MPHOSPH6: variants seen among roughly 807,000 people sequenced by gnomAD.
MPHOSPH6 encodes the protein M-phase phosphoprotein 6.
A neutral mutation model predicts 21.8 loss-of-function variants in MPHOSPH6; 25 were observed. The ratio of observed to expected loss-of-function variants is 1.15; its 90% CI spans 0.83 to 1.60. The LOEUF is 1.60. Ranked by LOEUF, MPHOSPH6 falls within the 40% of genes most tolerant of loss-of-function variation. MPHOSPH6 has a pLI of 0.00. For synonymous variants in MPHOSPH6, 84 were observed against 56.5 expected (o/e 1.49, Z -2.18); for missense variants, 269 against 181.8 (o/e 1.48, Z -2.76).
At chr16:82,149,086 T>G (rs935911399) in intron 4 of MPHOSPH6, among the ~76,000 whole-genome samples, 1 of 152,198 alleles carries the variant, frequency 6.6e-6, no homozygotes, top group African/African-American at 2.4e-5. Flanking sequence ...AGATGTACAT[T>G]TTAAAATACA....
At chr16:82,160,811 C>T (rs1009444229) in intron 2 of MPHOSPH6, among the ~76,000 whole-genome samples, 1 of 152,064 alleles carries the variant, frequency 6.6e-6, no homozygotes, top group African/African-American at 2.4e-5. Flanking sequence ...ACACTACTCC[C>T]AAAATATGGC....
rs1047373058 is a variant in MPHOSPH6 at position 82,148,593 on chromosome 16, A to G, written c.*138T>C. ...TCCATCACACATCTGTTTCAAAAAC[A>G]GCATGTTTCTAAAATGATAATCTCT... On this transcript the variant is annotated 3_prime_UTR_variant, in exon 5 of 5. Transcript: ENST00000258169. 5 of 1,111,138 alleles carry G rather than the reference A, an allele frequency of 4.5e-6. No homozygotes were observed. In the Admixed American group the frequency reaches 1.1e-4, roughly 24 times the overall value. The allele number at this position is 1,111,138 out of a possible 1,614,324, so 68.8% of individuals were successfully genotyped here.
chr16:82,166,376 G>A (rs1249968828), intron 1 of MPHOSPH6, among the ~76,000 whole-genome samples: 2 of 152,160 alleles, frequency 1.3e-5, no homozygotes, highest in East Asian at 1.9e-4. Flanking sequence ...GACTTAACAC[G>A]TTTCCATTTT....
intron 1 of MPHOSPH6, among the ~76,000 whole-genome samples, chr16:82,166,924 A>C (rs1906800534): frequency 6.6e-6 from 1 of 152,208 alleles, no homozygotes; most frequent in African/African-American, 2.4e-5. Flanking sequence ...ACTTAGGTAC[A>C]AGTTCGATTC....
rs1442348239 is a variant in MPHOSPH6 at position 82,164,104 on chromosome 16, A to C, written c.142T>G (p.Leu48Val). The C allele has an allele frequency of 3.1e-6, 5 of 1,612,258 alleles. No homozygotes were observed. Among genetic ancestry groups the C allele is most frequent in the Non-Finnish European group, 4.2e-6 (5 of 1,179,398 alleles). ...TACTCTTTCTCTTTAAGCTCTGGCA[A>C]ATCCAAGTACCAGTGCTCTTCACTA... ...IISEEHWYLD[L>V]PELKEKESFI... is the part of the protein sequence containing the mutation. The change falls in exon 2 of 5, where the codon TTG becomes GTG. Residue 48 changes from leucine (L) to valine (V), a missense_variant. Transcript: ENST00000258169.
chr16:82,158,518 A>G (rs1048580512), intron 2 of MPHOSPH6, among the ~76,000 whole-genome samples: 1 of 151,518 alleles, frequency 6.6e-6, no homozygotes, highest in African/African-American at 2.4e-5. Context: ...AAAAAAAAAA[A>G]AAAAAGATAC....
At chr16:82,151,398 T>A in intron 3 of MPHOSPH6, 26 bp downstream of exon 3, 1 of 1,600,178 alleles carries the variant, frequency 6.2e-7, no homozygotes, top group Non-Finnish European at 8.5e-7. Flanking sequence ...GAAAAATTTT[T>A]AATTTGAAGC....
rs1433780071 is a variant in MPHOSPH6 at position 82,170,136 on chromosome 16, G to C, written c.40C>G (p.Leu14Val). Residue 14 changes from leucine (L) to valine (V), a missense_variant, in exon 1 of 5, where the codon CTG (leucine) becomes GTG (valine). Coordinates refer to ENST00000258169, the MANE Select transcript of MPHOSPH6 (RefSeq NM_005792.2). ...CAGCGTCCCCGCACCTTCATGCGCA[G>C]TAGATTCTTGGACAACCTTGTCTTT... ...ERKTRLSKNLLRMKFMQRGLD... is the reference protein window; with the variant it reads ...ERKTRLSKNLVRMKFMQRGLD... 1 of 1,593,516 alleles carries C rather than the reference G, an allele frequency of 6.3e-7. No individual in the cohort carries two copies. Among genetic ancestry groups the C allele is most frequent in the Non-Finnish European group, 8.5e-7 (1 of 1,170,174 alleles).
At chr16:82,165,144 T>TTTTTTTTTTTTTTTTTTTTG (rs1555540871) in intron 1 of MPHOSPH6, among the ~76,000 whole-genome samples, 1 of 108,688 alleles carries the variant, frequency 9.2e-6, no homozygotes, top group Non-Finnish European at 1.9e-5. Flanking sequence ...TTTTTTTTTT[T>TTTTTTTTTTTTTTTTTTTTG]TGAGACAGAG....
chr16:82,157,456 C>G lies in MPHOSPH6; in HGVS notation c.165-5942G>C, dbSNP rs903225729. 2.6e-5 allele frequency among the ~76,000 whole-genome samples: 4 copies of G among 152,304 alleles called. No individual in the cohort carries two copies. In the South Asian group the frequency reaches 8.3e-4, roughly 32 times the overall value. On this transcript the variant is annotated intron_variant, in intron 2 of 4. Transcript: ENST00000258169. Reference sequence around the variant, plus strand: ...AAAATTAATCTACGGTTTAAGAAATCAGAACAGTGCTTGCATCAGAGCAGG... The same window carrying G: ...AAAATTAATCTACGGTTTAAGAAATGAGAACAGTGCTTGCATCAGAGCAGG...
chr16:82,168,072 T>A (rs1220466262), intron 1 of MPHOSPH6, among the ~76,000 whole-genome samples: 2 of 152,236 alleles, frequency 1.3e-5, no homozygotes, highest in Non-Finnish European at 2.9e-5. Flanking sequence ...GTGATCTTTT[T>A]CCTTCTCCTT....
Position 82,149,152 on chromosome 16 carries a change from G to A in MPHOSPH6, c.350+157C>T, listed in dbSNP as rs530397263. ...AACTGGCAGCCTGAGACAGGTCTGT[G>A]GCCCCCGTAGGCCATTAAGAGAAGG... is the stretch of plus-strand genomic sequence containing the variant. On this transcript the variant is annotated intron_variant, in intron 4 of 4. Coordinates refer to ENST00000258169, the MANE Select transcript of MPHOSPH6 (RefSeq NM_005792.2). 1.2e-4 allele frequency among the ~76,000 whole-genome samples: 18 copies of A among 152,302 alleles called. 1 individual carries two copies. Among genetic ancestry groups the A allele is most frequent in the Admixed American group, 1.1e-3 (17 of 15,302 alleles).
intron 3 of MPHOSPH6, among the ~76,000 whole-genome samples, chr16:82,150,566 G>C (rs1284305196): frequency 6.6e-6 from 1 of 152,172 alleles, no homozygotes; most frequent in Non-Finnish European, 1.5e-5. Flanking sequence ...TCTTAACTGG[G>C]GATGATTTTC....
chr16:82,158,403 G>A (rs1437974443), intron 2 of MPHOSPH6, among the ~76,000 whole-genome samples: 3 of 150,180 alleles, frequency 2.0e-5, no homozygotes, highest in Non-Finnish European at 4.4e-5. Context: ...GGAGGCTGAG[G>A]CAGCAGAATG....
chr16:82,169,708 AAG>A (rs1327668618), intron 1 of MPHOSPH6, among the ~76,000 whole-genome samples: 1 of 152,220 alleles, frequency 6.6e-6, no homozygotes, highest in African/African-American at 2.4e-5. Context: ...AGATGAGGAA[AAG>A]AGATATTCAG....
At chr16:82,168,944 G>A (rs746691153) in intron 1 of MPHOSPH6, among the ~76,000 whole-genome samples, 17 of 152,216 alleles carry the variant, frequency 1.1e-4, no homozygotes, top group Middle Eastern at 3.4e-3. Context: ...CTGAATTCCC[G>A]TCCTGTCTAC....
intron 2 of MPHOSPH6, among the ~76,000 whole-genome samples, chr16:82,158,506 A>C (rs1906504025): frequency 6.6e-6 from 1 of 150,956 alleles, no homozygotes; most frequent in South Asian, 2.1e-4. Context: ...CTCAAAAAAA[A>C]AAAAAAAAAA....
At chr16:82,158,001 A>T (rs1219269054) in intron 2 of MPHOSPH6, among the ~76,000 whole-genome samples, 1 of 152,178 alleles carries the variant, frequency 6.6e-6, no homozygotes, top group Non-Finnish European at 1.5e-5. Context: ...GAATCTTAGC[A>T]TGAGTGAAAG....
chr16:82,153,672 C>T (rs1188118129), intron 2 of MPHOSPH6, among the ~76,000 whole-genome samples: 2 of 152,142 alleles, frequency 1.3e-5, no homozygotes, highest in African/African-American at 4.8e-5. Context: ...CTTTGGCTGA[C>T]CATGAAGCTG....
Sources: allele counts gnomAD v4.1 joint callset (sites outside exome capture counted in the v4.1 genomes callset), GRCh38; gene constraint gnomAD v4.1.1; transcripts MANE v1.5; gene names NCBI Gene and HGNC (gene_info 2026-07-23, HGNC 2026-07-21).